The following TPRG1L variants were observed in gnomAD, a reference collection of about 807,000 sequenced individuals.
TPRG1L encodes the protein tumor protein p63 regulated 1 like.
TPRG1L carries 25 observed loss-of-function variants against 29.4 expected under a neutral mutation model. The ratio of observed to expected loss-of-function variants is 0.85; its 90% CI spans 0.62 to 1.19. The LOEUF is 1.19. Among genes scored for constraint, TPRG1L ranks in the 50% most tolerant of loss-of-function variants. The pLI is 0.00. For synonymous variants in TPRG1L, 182 were observed against 151.1 expected, an observed-to-expected ratio of 1.20 and a Z score of -1.50; for missense variants, 354 against 364.4, an observed-to-expected ratio of 0.97 and a Z score of 0.23.
In TPRG1L at chr1:3,627,417, C is replaced by T; in HGVS notation, c.471-83C>T. The T allele has an allele frequency of 3.3e-6, 5 of 1,524,494 alleles. No individual in the cohort carries two copies. The South Asian group carries it at 4.7e-5, about 14-fold the overall frequency. 94.4% of individuals were successfully genotyped at this position (1,524,494 alleles called of 1,614,324 possible). A position where few individuals can be genotyped will look rare whatever the true frequency, so the allele number is the denominator to read the frequency against. On this transcript the variant is annotated intron_variant, in intron 3 of 4. Transcript: ENST00000378344. The stretch of plus-strand genomic sequence containing the variant: ...CGTGTGCTTTTTGCTGTCATATTCT[C>T]CTAACTGATGAGACTGTCAGATTGT...
rs1196257981 is a variant in TPRG1L at position 3,625,124 on chromosome 1, G to T, written c.52G>T (p.Val18Leu). 2 of 1,230,718 alleles carry T rather than the reference G, an allele frequency of 1.6e-6. No individual in the cohort carries two copies. The highest frequency in any genetic ancestry group is 2.0e-6 in the Non-Finnish European group (2 of 981,036). 76.2% of individuals were successfully genotyped at this position (1,230,718 alleles called of 1,614,324 possible). A position where few individuals can be genotyped will look rare whatever the true frequency, so the allele number is the denominator to read the frequency against. ...VDSAGTSPTAVLAAGEEVGAG... is the reference protein window; with the variant it reads ...VDSAGTSPTALLAAGEEVGAG... The stretch of plus-strand genomic sequence containing the variant: ...CTCGGCCGGTACGAGCCCCACGGCG[G>T]TGCTGGCGGCCGGCGAGGAGGTGGG... The change falls in exon 1 of 5, where the codon GTG (valine) becomes TTG (leucine). Residue 18 changes from valine to leucine, a missense_variant. Transcript: ENST00000378344.
intron 2 of TPRG1L, 25 bp from the exon 3 acceptor site, chr1:3,625,688 A>G (rs777613341): frequency 4.4e-6 from 7 of 1,601,274 alleles, no homozygotes; most frequent in Non-Finnish European, 4.3e-6. Context: ...TCCAGTGTGG[A>G]CTGAGGCCCC....
chr1:3,627,468 G>T, intron 3 of TPRG1L, 32 bp from the exon 4 acceptor site: 1 of 1,612,538 alleles, frequency 6.2e-7, no homozygotes, highest in Non-Finnish European at 8.5e-7. Context: ...GGCCTGCCAT[G>T]CTAAGTCTGG....
At position 3,630,108 on chromosome 1, in the gene TPRG1L, A is replaced by G. The variant is rs1644514578; in HGVS notation, c.*1505A>G. The G allele has an allele frequency of 6.6e-6, 1 of 152,232 alleles. No homozygotes were observed. Among genetic ancestry groups the G allele is most frequent in the African/African-American group, 2.4e-5 (1 of 41,452 alleles). The allele number at this position is 152,232 out of a possible 1,614,324, so 9.4% of individuals were successfully genotyped here. ...TTGTTCCTTTTTTGAAGTTGTCATT[A>G]AAGTAGGTGCAACAACCAAGAAAGT... On this transcript the variant is annotated 3_prime_UTR_variant, in exon 5 of 5. Coordinates refer to ENST00000378344, the MANE Select transcript of TPRG1L (RefSeq NM_182752.4).
At chr1:3,625,998 T>G in intron 3 of TPRG1L, 109 bp downstream of exon 3, 3 of 1,107,120 alleles carry the variant, frequency 2.7e-6, no homozygotes, top group South Asian at 1.6e-5. Context: ...CTGTCATTAA[T>G]TATAAGCACA....
At position 3,625,797 on chromosome 1, in the gene TPRG1L, T is replaced by C; in HGVS notation, c.378T>C (p.Ser126=). 6.2e-7 allele frequency: 1 copy of C among 1,613,756 alleles called. No individual in the cohort carries two copies. Among genetic ancestry groups the C allele is most frequent in the Non-Finnish European group, 8.5e-7 (1 of 1,180,004 alleles). The change falls in exon 3 of 5, where the codon AGT becomes AGC. Residue 126 remains serine, a synonymous_variant. Transcript: ENST00000378344. The stretch of plus-strand genomic sequence containing the variant: ...TTATCTGTAAATACGACTTCATCAG[T>C]CTCCAGTGCCAGCAGGTGGTGCGGA... ...SLLICKYDFI[S]LQCQQVVRIA...
In TPRG1L at chr1:3,629,112, A is replaced by T. The variant is rs1644508168; in HGVS notation, c.*509A>T. 6.6e-6 allele frequency: 1 copy of T among 152,232 alleles called. No homozygotes were observed. Among genetic ancestry groups the T allele is most frequent in the Non-Finnish European group, 1.5e-5 (1 of 68,096 alleles). 9.4% of individuals were successfully genotyped at this position (152,232 alleles called of 1,614,324 possible). A position where few individuals can be genotyped will look rare whatever the true frequency, so the allele number is the denominator to read the frequency against. The stretch of plus-strand genomic sequence containing the variant: ...AATCCATTTTTACTTCAGCTCATCC[A>T]AAAGCAGCCAGCAGACCGGTTGACT... On this transcript the variant is annotated 3_prime_UTR_variant, in exon 5 of 5. Coordinates refer to ENST00000378344, the MANE Select transcript of TPRG1L (RefSeq NM_182752.4).
chr1:3,626,250 A>G (rs1644488069), intron 3 of TPRG1L, among the ~76,000 whole-genome samples: 1 of 152,262 alleles, frequency 6.6e-6, no homozygotes, highest in Non-Finnish European at 1.5e-5. Context: ...CATATGACAC[A>G]TCAAGTCTTG....
intron 3 of TPRG1L, 22 bp from the exon 4 acceptor site, chr1:3,627,478 G>C (rs377060409): frequency 6.2e-7 from 1 of 1,613,390 alleles, no homozygotes; most frequent in Non-Finnish European, 8.5e-7. Flanking sequence ...GCTAAGTCTG[G>C]CTATTTCTTC....
chr1:3,629,413 A>C lies in TPRG1L; in HGVS notation c.*810A>C, dbSNP rs531864795. ...AGGGAATCGGGTACTTTGCTTGTTG[A>C]ATAATGCACTTTAAAACAAGGAACC... On this transcript the variant is annotated 3_prime_UTR_variant, in exon 5 of 5. Coordinates refer to ENST00000378344, the MANE Select transcript of TPRG1L (RefSeq NM_182752.4). 6.6e-6 allele frequency: 1 copy of C among 152,364 alleles called. No individual in the cohort carries two copies. Among genetic ancestry groups the C allele is most frequent in the African/African-American group, 2.4e-5 (1 of 41,592 alleles). The allele number at this position is 152,364 out of a possible 1,614,324, so 9.4% of individuals were successfully genotyped here. A position where few individuals can be genotyped will look rare whatever the true frequency, so the allele number is the denominator to read the frequency against.
rs1479753795 is a variant in TPRG1L, at chr1:3,629,613, C to T, written c.*1010C>T. Reference sequence around the variant, plus strand: ...GGTGGCACATCTGTGGTCCCAGCTACTTGAGAGGCTGAGCCAGGAGGATCG... The same window carrying T: ...GGTGGCACATCTGTGGTCCCAGCTATTTGAGAGGCTGAGCCAGGAGGATCG... On this transcript the variant is annotated 3_prime_UTR_variant, in exon 5 of 5. Coordinates refer to ENST00000378344, the MANE Select transcript of TPRG1L (RefSeq NM_182752.4). 1 of 152,292 alleles carries T rather than the reference C, an allele frequency of 6.6e-6. No homozygotes were observed. The highest frequency in any genetic ancestry group is 1.5e-5 in the Non-Finnish European group (1 of 68,088). 9.4% of individuals were successfully genotyped at this position (152,292 alleles called of 1,614,324 possible). A position where few individuals can be genotyped will look rare whatever the true frequency, so the allele number is the denominator to read the frequency against.
chr1:3,628,093 G>A (rs766852793), intron 4 of TPRG1L, among the ~76,000 whole-genome samples: 1 of 152,218 alleles, frequency 6.6e-6, no homozygotes, highest in Non-Finnish European at 1.5e-5. Context: ...TGTGTGCCTC[G>A]GCCTGGTTAC....
In TPRG1L at chr1:3,625,241, C is replaced by G. The variant is rs1644474646; in HGVS notation, c.169C>G (p.Arg57Gly). ...WPLSIHDPTR[R>G]ARVKEYFVFR... ...TCTCAGCATCCACGACCCCACGCGC[C>G]GCGCCCGCGTCAAGGAGTACTTCGT... The change falls in exon 1 of 5, where the codon CGC becomes GGC. Residue 57 changes from arginine (R) to glycine (G), a missense_variant. Transcript: ENST00000378344. 1 of 1,362,908 alleles carries G rather than the reference C, an allele frequency of 7.3e-7. No homozygotes were observed. Among genetic ancestry groups the G allele is most frequent in the Non-Finnish European group, 9.4e-7 (1 of 1,063,810 alleles). 84.4% of individuals were successfully genotyped at this position (1,362,908 alleles called of 1,614,324 possible).
In TPRG1L at chr1:3,627,701, A is replaced by C. The variant is rs368204644; in HGVS notation, c.624+48A>C. 1.2e-5 allele frequency: 20 copies of C among 1,606,552 alleles called. No individual in the cohort carries two copies. In the African/African-American group the frequency reaches 2.0e-4, roughly 16 times the overall value. On this transcript the variant is annotated intron_variant, in intron 4 of 4. Coordinates refer to ENST00000378344, the MANE Select transcript of TPRG1L (RefSeq NM_182752.4). ...AGCCGCGCCCCCCGCAGTGATGGAAACACCCCCCGCAGTCACGGAGACACT... is the reference window on the plus strand; with the variant it reads ...AGCCGCGCCCCCCGCAGTGATGGAACCACCCCCCGCAGTCACGGAGACACT...
At chr1:3,625,916 C>A (rs1644484990) in intron 3 of TPRG1L, 27 bp downstream of exon 3, 7 of 1,593,648 alleles carry the variant, frequency 4.4e-6, no homozygotes, top group Non-Finnish European at 5.1e-6. Flanking sequence ...TCCAGTATCA[C>A]TGGACCTAAG....
At position 3,628,790 on chromosome 1, in the gene TPRG1L, CTATT is replaced by C. The variant is rs1371877549; in HGVS notation, c.*190_*193del. ...ATTAGAATCGTAAAGTGAATTCTAT[CTATT>C]TAATTGGATATTGGACTCTGCTCAT... On this transcript the variant is annotated 3_prime_UTR_variant, in exon 5 of 5. Transcript: ENST00000378344. 1 of 550,428 alleles carries C rather than the reference CTATT, an allele frequency of 1.8e-6. No homozygotes were observed. Among genetic ancestry groups the C allele is most frequent in the East Asian group, 2.9e-5 (1 of 34,434 alleles). 34.1% of individuals were successfully genotyped at this position (550,428 alleles called of 1,614,324 possible).
At position 3,629,717 on chromosome 1, in the gene TPRG1L, A is replaced by C. The variant is rs1266441283; in HGVS notation, c.*1114A>C. ...ACTCCAGCCCGGGCGACAGAGCGAGACTCCATCTACCAGATCCTTATGACG... is the reference window on the plus strand; with the variant it reads ...ACTCCAGCCCGGGCGACAGAGCGAGCCTCCATCTACCAGATCCTTATGACG... On this transcript the variant is annotated 3_prime_UTR_variant, in exon 5 of 5. Coordinates refer to ENST00000378344, the MANE Select transcript of TPRG1L (RefSeq NM_182752.4). The C allele has an allele frequency of 6.6e-6, 1 of 152,154 alleles. No individual in the cohort carries two copies. Among genetic ancestry groups the C allele is most frequent in the East Asian group, 1.9e-4 (1 of 5,196 alleles). 9.4% of individuals were successfully genotyped at this position (152,154 alleles called of 1,614,324 possible).
In TPRG1L at chr1:3,628,582, CA is replaced by C. The variant is rs765909672; in HGVS notation, c.799del (p.Arg267GlyfsTer4). The C allele has an allele frequency of 1.2e-6, 2 of 1,606,486 alleles. No individual in the cohort carries two copies. The highest frequency in any genetic ancestry group is 1.7e-6 in the Non-Finnish European group (2 of 1,174,504). On this transcript the variant is annotated frameshift_variant, in exon 5 of 5. Transcript: ENST00000378344. LOFTEE classifies it high-confidence loss of function. ...NEAKLGYSMT[R>X]GKIGF ...AGGCGAAACTGGGCTACTCCATGAC[CA>C]GGGGCAAAATAGGCTTTTAGCCGCT...
Position 3,628,555 on chromosome 1 carries a change from C to T in TPRG1L, c.771C>T (p.Asn257=), listed in dbSNP as rs147440838. 2.7e-5 allele frequency: 43 copies of T among 1,613,036 alleles called. No individual in the cohort carries two copies. Among genetic ancestry groups the T allele is most frequent in the African/African-American group, 2.4e-4 (18 of 74,850 alleles). ...TYVGLMSFIN[N]EAKLGYSMTR... is the part of the protein sequence containing the mutation. Reference sequence around the variant, plus strand: ...TGGGACTCATGTCCTTCATTAACAACGAGGCGAAACTGGGCTACTCCATGA... The same window carrying T: ...TGGGACTCATGTCCTTCATTAACAATGAGGCGAAACTGGGCTACTCCATGA... The change falls in exon 5 of 5, where the codon AAC becomes AAT. Residue 257 remains asparagine (N), a synonymous_variant. Transcript: ENST00000378344.
Sources: allele counts gnomAD v4.1 joint callset (sites outside exome capture counted in the v4.1 genomes callset), GRCh38; gene constraint gnomAD v4.1.1; transcripts MANE v1.5; gene names NCBI Gene and HGNC (gene_info 2026-07-23, HGNC 2026-07-21).